Variants in UGT2B15 observed in about 807,000 individuals in gnomAD.
UGT2B15 encodes the protein UDP glucuronosyltransferase family 2 member B15, also known as UDP-glucuronosyltransferase 2B15.
Under a neutral mutation model 45.9 loss-of-function variants are expected in UGT2B15, and 36 were observed. The observed-to-expected ratio is 0.78, with a 90% CI of 0.60 to 1.04. UGT2B15 has a LOEUF of 1.04. Ranked by LOEUF, UGT2B15 falls within the 50% of genes least tolerant of loss-of-function variation. The pLI, the probability that UGT2B15 is intolerant of heterozygous loss-of-function variation, is 0.00. For missense variants in UGT2B15, 617 were observed against 622.4 expected, an observed-to-expected ratio of 0.99 and a Z score of 0.09; for synonymous variants, 219 against 216.4, an observed-to-expected ratio of 1.01 and a Z score of -0.11.
In UGT2B15 at chr4:68,668,134, C is replaced by G. The variant is rs371697004; in HGVS notation, c.779G>C (p.Arg260Pro). Residue 260 changes from arginine to proline, a missense_variant, in exon 2 of 6, where the codon CGA becomes CCA. Transcript: ENST00000338206. ...AGGAAATTCAAAATCCCAATAGGTT[C>G]GAATGAGCCACATTTCAGCTTTCCC... is the stretch of plus-strand genomic sequence containing the variant. ...TMGKAEMWLI[R>P]TYWDFEFPRP... The G allele has an allele frequency of 1.2e-6, 2 of 1,613,654 alleles. No individual in the cohort carries two copies. Among genetic ancestry groups the G allele is most frequent in the South Asian group, 1.1e-5 (1 of 91,040 alleles).
intron 3 of UGT2B15, among the ~76,000 whole-genome samples, chr4:68,655,851 A>G (rs1421222770): frequency 6.6e-6 from 1 of 152,068 alleles, no homozygotes; most frequent in East Asian, 1.9e-4. Context: ...CAACCTTGGC[A>G]AAATAAACTT....
chr4:68,660,384 C>G (rs900401375), intron 3 of UGT2B15, among the ~76,000 whole-genome samples: 2 of 151,840 alleles, frequency 1.3e-5, no homozygotes, highest in Non-Finnish European at 2.9e-5. Flanking sequence ...TCACCCAACT[C>G]GTAGGTATTT....
Position 68,655,017 on chromosome 4 carries a change from T to G in UGT2B15, c.1093+78A>C. 2.7e-6 allele frequency: 4 copies of G among 1,477,512 alleles called. No individual in the cohort carries two copies. The South Asian group carries it at 4.8e-5, about 18-fold the overall frequency. The allele number at this position is 1,477,512 out of a possible 1,614,324, so 91.5% of individuals were successfully genotyped here. A position where few individuals can be genotyped will look rare whatever the true frequency, so the allele number is the denominator to read the frequency against. On this transcript the variant is annotated intron_variant, in intron 4 of 5. Coordinates refer to ENST00000338206, the MANE Select transcript of UGT2B15 (RefSeq NM_001076.4). ...GTTTTCCAATAATAAATGCTAAATATGTTTGTTTTATGTTGAACTATTATC... is the reference window on the plus strand; with the variant it reads ...GTTTTCCAATAATAAATGCTAAATAGGTTTGTTTTATGTTGAACTATTATC...
intron 3 of UGT2B15, 21 bp from the exon 4 acceptor site, chr4:68,655,203 T>C (rs1732769951): frequency 5.0e-6 from 8 of 1,610,758 alleles, no homozygotes; most frequent in Admixed American, 1.7e-5. Flanking sequence ...AAGGAAAATA[T>C]CTTGTTCAAT....
At chr4:68,649,067 AGAATTTTTTGTTGACT>A (rs1344477381) in intron 5 of UGT2B15, among the ~76,000 whole-genome samples, 1 of 151,896 alleles carries the variant, frequency 6.6e-6, no homozygotes, top group African/African-American at 2.4e-5. Context: ...ATTTATAATT[AGAATTTTTTGTTGACT>A]GAATTTTTTA....
Position 68,666,748 on chromosome 4 carries a change from A to T in UGT2B15, c.873+1292T>A, listed in dbSNP as rs1380124789. ...TATCAAATTACATATATATATATAT[A>T]TATATTTTTTTTTTTTGAGACAGAT... On this transcript the variant is annotated intron_variant, in intron 2 of 5. Transcript: ENST00000338206. Among the ~76,000 whole-genome samples the T allele has an allele frequency of 4.6e-3, 377 of 82,468 alleles. 1 individual carries two copies. Among genetic ancestry groups the T allele is most frequent in the East Asian group, 0.01 (43 of 4,112 alleles). 54.1% of individuals were successfully genotyped at this position (82,468 alleles called of 152,430 possible).
At chr4:68,648,391 G>A (rs1732547269) in intron 5 of UGT2B15, among the ~76,000 whole-genome samples, 1 of 151,876 alleles carries the variant, frequency 6.6e-6, no homozygotes, top group South Asian at 2.1e-4. Flanking sequence ...CTCTCATTGA[G>A]CATTCTTTCT....
intron 3 of UGT2B15, among the ~76,000 whole-genome samples, chr4:68,658,915 G>A (rs1487975275): frequency 1.3e-5 from 2 of 151,964 alleles, no homozygotes; most frequent in Non-Finnish European, 2.9e-5. Flanking sequence ...TTTAAGAACT[G>A]ATACTGAGAG....
chr4:68,651,637 C>T (rs1347400377), intron 5 of UGT2B15, among the ~76,000 whole-genome samples: 4 of 151,908 alleles, frequency 2.6e-5, no homozygotes, highest in African/African-American at 7.3e-5. Context: ...GGAATCCTTT[C>T]CCCAGTTGCT....
At chr4:68,662,459 G>A (rs1732994787) in intron 3 of UGT2B15, among the ~76,000 whole-genome samples, 1 of 148,750 alleles carries the variant, frequency 6.7e-6, no homozygotes, top group South Asian at 2.1e-4. Flanking sequence ...GTCAGACTAG[G>A]ACATTCTTTC....
chr4:68,666,981 A>T (rs1733148519), intron 2 of UGT2B15, among the ~76,000 whole-genome samples: 1 of 151,800 alleles, frequency 6.6e-6, no homozygotes, highest in African/African-American at 2.4e-5. Context: ...TCCTGACCTC[A>T]GGTGATCCAC....
Position 68,655,131 on chromosome 4 carries a change from G to A in UGT2B15, c.1057C>T (p.Arg353Ter), listed in dbSNP as rs759330844. The A allele has an allele frequency of 1.5e-5, 24 of 1,613,224 alleles. No homozygotes were observed. Among genetic ancestry groups the A allele is most frequent in the Non-Finnish European group, 1.8e-5 (21 of 1,179,608 alleles). The change falls in exon 4 of 6, where the codon CGA becomes TGA. Residue 353 changes from arginine (R) to a stop codon, truncating the protein, a stop_gained. Transcript: ENST00000338206. LOFTEE classifies it high-confidence loss of function. Reference sequence around the variant, plus strand: ...TTCTGGGGTAACCACTTGTACAGTCGAGTATTGGAACCTAAAGTATTTGGC... The same window carrying A: ...TTCTGGGGTAACCACTTGTACAGTCAAGTATTGGAACCTAAAGTATTTGGC... ...KKPNTLGSNT[R>*]LYKWLPQNDL... is the part of the protein sequence containing the mutation.
At chr4:68,656,259 G>A (rs980890559) in intron 3 of UGT2B15, among the ~76,000 whole-genome samples, 2 of 152,090 alleles carry the variant, frequency 1.3e-5, no homozygotes, top group Non-Finnish European at 1.5e-5. Flanking sequence ...TAGGATGGCA[G>A]AGGGCAGTTT....
At chr4:68,650,950 T>A (rs1578193850) in intron 5 of UGT2B15, among the ~76,000 whole-genome samples, 10 of 151,790 alleles carry the variant, frequency 6.6e-5, no homozygotes, top group East Asian at 1.9e-4. Context: ...TGTCTTTTTT[T>A]AAGAAGTGTC....
intron 2 of UGT2B15, among the ~76,000 whole-genome samples, chr4:68,664,810 C>T (rs548244707): frequency 1.3e-4 from 20 of 152,118 alleles, no homozygotes; most frequent in Admixed American, 9.8e-4. Context: ...GTGATCCACC[C>T]GCCTCAGCCT....
chr4:68,660,605 A>C (rs1732934649), intron 3 of UGT2B15, among the ~76,000 whole-genome samples: 1 of 151,876 alleles, frequency 6.6e-6, no homozygotes, highest in African/African-American at 2.4e-5. Context: ...CTGAAGACAG[A>C]AAAATTATGT....
At chr4:68,653,963 C>G in intron 5 of UGT2B15, 74 bp downstream of exon 5, 3 of 1,566,780 alleles carry the variant, frequency 1.9e-6, no homozygotes, top group South Asian at 1.2e-5. Flanking sequence ...CTCTTAAAAA[C>G]GGGTTAAAAT....
At chr4:68,647,412 T>C (rs1379789330) in intron 5 of UGT2B15, 29 bp from the exon 6 acceptor site, 4 of 1,586,586 alleles carry the variant, frequency 2.5e-6, no homozygotes, top group Non-Finnish European at 3.4e-6. Flanking sequence ...GATATCAACA[T>C]TAAAAGTAAA....
chr4:68,666,664 C>A (rs541744134), intron 2 of UGT2B15, among the ~76,000 whole-genome samples: 1 of 150,880 alleles, frequency 6.6e-6, no homozygotes, highest in South Asian at 2.1e-4. Context: ...CTGATCATAT[C>A]TCTTCATTTC....
Sources: gnomAD v4.1 joint callset for allele counts (sites outside exome capture counted in the v4.1 genomes callset) on GRCh38, gnomAD v4.1.1 for gene constraint, MANE v1.5 for transcripts, NCBI Gene and HGNC (gene_info 2026-07-23, HGNC 2026-07-21) for gene names.